DAPK2: variants seen among roughly 807,000 people sequenced by gnomAD.
The protein encoded by DAPK2 is death associated protein kinase 2.
DAPK2 carries 35 observed loss-of-function variants against 44.1 expected under a neutral mutation model. That is an observed-to-expected ratio of 0.79 (90% CI 0.61 to 1.05). The LOEUF is 1.05. Among genes scored for constraint, DAPK2 ranks in the 50% least tolerant of loss-of-function variants. The pLI, the probability that DAPK2 is intolerant of heterozygous loss-of-function variation, is 0.00. For missense variants in DAPK2, 453 were observed against 483.2 expected, an observed-to-expected ratio of 0.94 and a Z score of 0.59; for synonymous variants, 174 against 182.6, an observed-to-expected ratio of 0.95 and a Z score of 0.38.
intron 1 of DAPK2, among the ~76,000 whole-genome samples, chr15:64,035,459 C>T (rs1168857234): frequency 6.6e-6 from 1 of 152,206 alleles, no homozygotes; most frequent in Non-Finnish European, 1.5e-5. Context: ...TCCTCAGAAG[C>T]ATTCCGATTA....
chr15:63,952,011 G>A (rs150981461), intron 3 of DAPK2, among the ~76,000 whole-genome samples: 67 of 152,254 alleles, frequency 4.4e-4, no homozygotes, highest in Non-Finnish European at 6.9e-4. Context: ...AGGCTGAGGC[G>A]GGCGGATCAC....
intron 1 of DAPK2, among the ~76,000 whole-genome samples, chr15:64,033,171 G>A (rs530173499): frequency 3.3e-5 from 5 of 151,120 alleles, no homozygotes; most frequent in East Asian, 1.9e-4. Context: ...GAGGTGGGAC[G>A]ATTGCTTGAG....
chr15:63,939,379 G>GA lies in DAPK2; in HGVS notation c.454-19dup, dbSNP rs760256945. On this transcript the variant is annotated intron_variant, in intron 3 of 10. Coordinates refer to ENST00000261891, the Ensembl canonical transcript of DAPK2. This position sits in a 1 kb window ranked among gnomAD's most constrained non-coding sequence, Gnocchi z 4.3. ...TTTTCTGGCTGGACAACAAAAAGTA[G>GA]AAAAAAAAAAAAGGAAGGAAGAAAA... 0.11 allele frequency: 89,125 copies of GA among 822,680 alleles called. 5 individuals are homozygous for GA. Among genetic ancestry groups the GA allele is most frequent in the Non-Finnish European group, 0.11 (70,079 of 614,686 alleles). The allele number at this position is 822,680 out of a possible 1,614,324, so 51.0% of individuals were successfully genotyped here.
At chr15:63,914,630 G>A (rs1427298744) in intron 8 of DAPK2, among the ~76,000 whole-genome samples, 3 of 151,990 alleles carry the variant, frequency 2.0e-5, no homozygotes, top group Non-Finnish European at 2.9e-5. Context: ...ACATCCCCAC[G>A]AGCTCATGGA....
rs568138136 is a variant in DAPK2, at chr15:63,937,580, C to T, written c.583+1652G>A. On this transcript the variant is annotated intron_variant, in intron 4 of 10. Transcript: ENST00000261891. ...TCCTCCCCTCCTCTGGCTCCCTCCC[C>T]ACCCCTCTTCAGAGACCTCTCCCAC... is the stretch of plus-strand genomic sequence containing the variant. Among the ~76,000 whole-genome samples, 12 of 152,266 alleles carry T rather than the reference C, an allele frequency of 7.9e-5. No individual in the cohort carries two copies. The East Asian group carries it at 2.3e-3, about 29-fold the overall frequency.
Position 64,040,265 on chromosome 15 carries a change from A to T in DAPK2, c.-4T>A. 1 of 1,613,676 alleles carries T rather than the reference A, an allele frequency of 6.2e-7. No homozygotes were observed. Among genetic ancestry groups the T allele is most frequent in the Non-Finnish European group, 8.5e-7 (1 of 1,179,664 alleles). Reference sequence around the variant, plus strand: ...TCCTCATTGAGGCCTGGAACATACAATCCTGAAATGGGAAGAAACCTGTGG... The same window carrying T: ...TCCTCATTGAGGCCTGGAACATACATTCCTGAAATGGGAAGAAACCTGTGG... On this transcript the variant is annotated 5_prime_UTR_variant, in exon 1 of 11. The change creates a new upstream start codon in the 5' untranslated region. Transcript: ENST00000261891.
At chr15:63,926,346 G>T (rs1361511319) in intron 6 of DAPK2, 2 of 406,670 alleles carry the variant, frequency 4.9e-6, no homozygotes, top group Admixed American at 8.4e-5. Context: ...GGAGGGGAGA[G>T]AAACACAGAG....
At chr15:63,933,670 C>T (rs2077043028) in intron 4 of DAPK2, among the ~76,000 whole-genome samples, 1 of 149,438 alleles carries the variant, frequency 6.7e-6, no homozygotes, top group Non-Finnish European at 1.5e-5. Flanking sequence ...ATGATCACAG[C>T]TCACTGCTGA....
intron 3 of DAPK2, among the ~76,000 whole-genome samples, chr15:63,963,035 C>G (rs145764077): frequency 0.053 from 8,121 of 152,150 alleles, 305 homozygotes; most frequent in Admixed American, 0.12. Flanking sequence ...TTTACCTACT[C>G]AAGCCTCAGC....
intron 1 of DAPK2, among the ~76,000 whole-genome samples, chr15:64,035,721 T>TATTTCTCCAAACACTCCTAGA (rs2080161355): frequency 6.6e-6 from 1 of 152,210 alleles, no homozygotes; most frequent in Non-Finnish European, 1.5e-5. Context: ...TGCAAGCCAA[T>TATTTCTCCAAACACTCCTAGA]ATTTCTCCAA....
chr15:63,988,322 C>T (rs1341307503), intron 1 of DAPK2, among the ~76,000 whole-genome samples: 1 of 152,130 alleles, frequency 6.6e-6, no homozygotes, highest in Non-Finnish European at 1.5e-5. Context: ...CCTAGAACAG[C>T]TTCTCAGTGC....
At chr15:63,929,006 G>A (rs2079414109) in intron 6 of DAPK2, among the ~76,000 whole-genome samples, 2 of 152,152 alleles carry the variant, frequency 1.3e-5, no homozygotes, top group African/African-American at 4.8e-5. Context: ...TTCAAGACCA[G>A]TCTGGCCAAC....
intron 1 of DAPK2, among the ~76,000 whole-genome samples, chr15:63,995,012 T>C (rs764362220): frequency 3.3e-4 from 50 of 152,204 alleles, no homozygotes; most frequent in Non-Finnish European, 6.2e-4. Context: ...TAAAAATTAT[T>C]TTAATATCTA....
At chr15:63,975,466 T>A (rs1380840) in intron 2 of DAPK2, among the ~76,000 whole-genome samples, 139,965 of 152,160 alleles carry the variant, frequency 0.92, 64,532 homozygotes, top group East Asian at 0.98. Context: ...TTTCACACTT[T>A]AAGAAACAAA....
chr15:63,952,399 A>G (rs1318128591), intron 3 of DAPK2, among the ~76,000 whole-genome samples: 1 of 152,322 alleles, frequency 6.6e-6, no homozygotes. Flanking sequence ...CATGAGCAGA[A>G]AAAAGGAAGA....
rs191497519 is a variant in DAPK2 at position 64,002,225 on chromosome 15, G to A, written c.93-18471C>T. ...TCTGGTGGAAACGTCCCAGCTCAAC[G>A]CAGATCAACCATAGTGTTAAGAGGA... On this transcript the variant is annotated intron_variant, in intron 1 of 10. Coordinates refer to ENST00000261891, the Ensembl canonical transcript of DAPK2. 2.7e-3 allele frequency among the ~76,000 whole-genome samples: 411 copies of A among 152,288 alleles called. 4 individuals are homozygous for A. The highest frequency in any genetic ancestry group is 5.1e-3 in the Non-Finnish European group (345 of 68,030).
At chr15:63,981,966 C>T (rs1458894461) in intron 2 of DAPK2, among the ~76,000 whole-genome samples, 1 of 152,092 alleles carries the variant, frequency 6.6e-6, no homozygotes, top group Non-Finnish European at 1.5e-5. Context: ...CTATATCCTG[C>T]CAATACCAGA....
chr15:63,909,806 A>C (rs1464311954), intron 10 of DAPK2: 1 of 152,142 alleles, frequency 6.6e-6, no homozygotes, highest in Admixed American at 6.5e-5. Flanking sequence ...TGTCTCAAAA[A>C]AAAAAAAAAT....
chr15:63,937,974 TC>T (rs1275141237), intron 4 of DAPK2, among the ~76,000 whole-genome samples: 1 of 152,122 alleles, frequency 6.6e-6, no homozygotes, highest in Non-Finnish European at 1.5e-5. Context: ...CATCGCTGTG[TC>T]CCCCATACAT....
Sources: allele counts gnomAD v4.1 joint callset (sites outside exome capture counted in the v4.1 genomes callset), GRCh38; gene constraint gnomAD v4.1.1; non-coding constraint Gnocchi (gnomAD v3.1); transcripts MANE v1.5; gene names NCBI Gene and HGNC (gene_info 2026-07-23, HGNC 2026-07-21).